The following ZMAT4 variants were observed in gnomAD, a reference collection of about 807,000 sequenced individuals.
The protein encoded by ZMAT4 is zinc finger matrin-type 4, also known as zinc finger matrin-type protein 4.
A neutral mutation model predicts 28.7 loss-of-function variants in ZMAT4; 17 were observed. That is an observed-to-expected ratio of 0.59 (90% CI 0.41 to 0.89). The LOEUF (loss-of-function observed/expected upper bound fraction) is 0.89, where lower values mean the gene tolerates loss of function less well. Among genes scored for constraint, ZMAT4 ranks in the 40% least tolerant of loss-of-function variants. ZMAT4 has a pLI of 0.00. For missense variants in ZMAT4, 240 were observed against 283.8 expected, an observed-to-expected ratio of 0.85 and a Z score of 1.11; for synonymous variants, 117 against 109.2, an observed-to-expected ratio of 1.07 and a Z score of -0.44.
chr8:40,885,610 G>C (rs1367916481), intron 1 of ZMAT4, among the ~76,000 whole-genome samples: 1 of 152,078 alleles, frequency 6.6e-6, no homozygotes, highest in Non-Finnish European at 1.5e-5. Context: ...CTGCAGCCTC[G>C]AACTCCTGGC....
chr8:40,764,963 C>T (rs1020139516), intron 3 of ZMAT4, among the ~76,000 whole-genome samples: 3 of 151,588 alleles, frequency 2.0e-5, no homozygotes, highest in East Asian at 3.9e-4. Flanking sequence ...TCCTGAGGAG[C>T]GGGGTCTATA....
At chr8:40,631,585 T>C (rs1238550050) in intron 5 of ZMAT4, among the ~76,000 whole-genome samples, 1 of 152,238 alleles carries the variant, frequency 6.6e-6, no homozygotes. Flanking sequence ...GGCCTGTTCC[T>C]GCCTATTGTT....
intron 2 of ZMAT4, among the ~76,000 whole-genome samples, chr8:40,776,071 G>C (rs1166296745): frequency 6.6e-6 from 1 of 152,192 alleles, no homozygotes. Flanking sequence ...ATATCTGTTG[G>C]TTAAGCCCCC....
intron 2 of ZMAT4, among the ~76,000 whole-genome samples, chr8:40,812,177 G>A (rs948922501): frequency 2.0e-5 from 3 of 152,096 alleles, no homozygotes; most frequent in Admixed American, 2.0e-4. Flanking sequence ...CACTGTGCCT[G>A]ATGATATCCT....
intron 5 of ZMAT4, among the ~76,000 whole-genome samples, chr8:40,623,529 A>G (rs1302577357): frequency 6.6e-6 from 1 of 152,200 alleles, no homozygotes; most frequent in South Asian, 2.1e-4. Flanking sequence ...ACATTTTGCA[A>G]TTTCACCTTA....
At chr8:40,722,840 C>T (rs552381762) in intron 3 of ZMAT4, among the ~76,000 whole-genome samples, 5 of 152,282 alleles carry the variant, frequency 3.3e-5, no homozygotes, top group Admixed American at 3.3e-4. Flanking sequence ...TGCTCACATA[C>T]ATCTCCACCT....
intron 3 of ZMAT4, among the ~76,000 whole-genome samples, chr8:40,710,616 G>T (rs562799619): frequency 1.3e-5 from 2 of 150,228 alleles, no homozygotes; most frequent in East Asian, 1.9e-4. Context: ...AGCCTTTTGT[G>T]GGGGGAAAAA....
At chr8:40,736,047 T>G (rs1811747516) in intron 3 of ZMAT4, among the ~76,000 whole-genome samples, 1 of 152,200 alleles carries the variant, frequency 6.6e-6, no homozygotes, top group South Asian at 2.1e-4. Context: ...GATGCAGTAA[T>G]GCCACAGTGC....
At chr8:40,851,537 A>T (rs1817105872) in intron 1 of ZMAT4, among the ~76,000 whole-genome samples, 1 of 152,220 alleles carries the variant, frequency 6.6e-6, no homozygotes, top group South Asian at 2.1e-4. Context: ...AACACTGGGG[A>T]AAACCGAGTG....
At chr8:40,738,134 G>C (rs1811852774) in intron 3 of ZMAT4, among the ~76,000 whole-genome samples, 2 of 152,136 alleles carry the variant, frequency 1.3e-5, no homozygotes, top group Admixed American at 1.3e-4. Context: ...CGAGTAGGAG[G>C]TTCTGACTAG....
At chr8:40,786,590 T>C (rs566990612) in intron 2 of ZMAT4, 3 of 822,264 alleles carry the variant, frequency 3.6e-6, no homozygotes, top group East Asian at 1.3e-4. Flanking sequence ...ACAGCCAGCA[T>C]GCACGTTCTG....
chr8:40,883,591 G>C (rs1410667710), intron 1 of ZMAT4, among the ~76,000 whole-genome samples: 1 of 152,166 alleles, frequency 6.6e-6, no homozygotes. Context: ...TAAGGTAAAA[G>C]TTAGAGAAGG....
intron 5 of ZMAT4, among the ~76,000 whole-genome samples, chr8:40,616,289 G>A (rs1170362409): frequency 1.3e-5 from 2 of 152,194 alleles, no homozygotes; most frequent in Non-Finnish European, 2.9e-5. Context: ...CTGTTGGTGG[G>A]ACTGTAAACT....
At chr8:40,534,306 G>A (rs1167489971) in intron 6 of ZMAT4, among the ~76,000 whole-genome samples, 1 of 152,058 alleles carries the variant, frequency 6.6e-6, no homozygotes, top group Non-Finnish European at 1.5e-5. Context: ...ATTTTAGTCA[G>A]CATCCCATTT....
chr8:40,711,638 T>C (rs552392738), intron 3 of ZMAT4, among the ~76,000 whole-genome samples: 2 of 152,222 alleles, frequency 1.3e-5, no homozygotes, highest in Admixed American at 6.5e-5. Flanking sequence ...GAATAAAAGA[T>C]GAAAAAGAAA....
intron 2 of ZMAT4, among the ~76,000 whole-genome samples, chr8:40,770,905 A>C (rs1813363254): frequency 6.6e-6 from 1 of 152,088 alleles, no homozygotes; most frequent in South Asian, 2.1e-4. Context: ...CCCTGTACCT[A>C]CTGGAAATTC....
intron 5 of ZMAT4, among the ~76,000 whole-genome samples, chr8:40,640,150 T>C (rs570238555): frequency 2.0e-5 from 3 of 152,230 alleles, no homozygotes; most frequent in East Asian, 1.9e-4. Flanking sequence ...CTAAGTTTTC[T>C]TGTTTTTTGT....
rs554086674 is a variant in ZMAT4, at chr8:40,721,456, T to C, written c.193-24055A>G. ...ATAAACATACGTGTGCATGTGTCTT[T>C]ATAGCAGCATGATTTATAGTCATTT... On this transcript the variant is annotated intron_variant, in intron 3 of 6. Coordinates refer to ENST00000297737, the MANE Select transcript of ZMAT4 (RefSeq NM_024645.3). Among the ~76,000 whole-genome samples, 17 of 146,002 alleles carry C rather than the reference T, an allele frequency of 1.2e-4. No individual in the cohort carries two copies. The East Asian group carries it at 3.2e-3, about 28-fold the overall frequency.
intron 1 of ZMAT4, among the ~76,000 whole-genome samples, chr8:40,881,293 G>T (rs1417823895): frequency 6.6e-6 from 1 of 151,484 alleles, no homozygotes; most frequent in African/African-American, 2.4e-5. Context: ...GGAGGCTGAG[G>T]CAGGAGAATC....
Sources: gnomAD v4.1 joint callset for allele counts (sites outside exome capture counted in the v4.1 genomes callset) on GRCh38, gnomAD v4.1.1 for gene constraint, MANE v1.5 for transcripts, NCBI Gene and HGNC (gene_info 2026-07-23, HGNC 2026-07-21) for gene names.